Variants in TM9SF4 observed in about 807,000 individuals in gnomAD.
The protein encoded by TM9SF4 is transmembrane 9 superfamily member 4.
TM9SF4 carries 26 observed loss-of-function variants against 90.4 expected under a neutral mutation model. The ratio of observed to expected loss-of-function variants is 0.29; its 90% CI spans 0.21 to 0.40. The LOEUF is 0.40. Among genes scored for constraint, TM9SF4 ranks in the 10% least tolerant of loss-of-function variants. The pLI, the probability that TM9SF4 is intolerant of heterozygous loss-of-function variation, is 1.00. For synonymous variants in TM9SF4, 293 were observed against 315.4 expected, an observed-to-expected ratio of 0.93 and a Z score of 0.75; for missense variants, 549 against 834.8, an observed-to-expected ratio of 0.66 and a Z score of 4.22.
At chr20:32,121,466 C>T (rs572528494) in intron 1 of TM9SF4, among the ~76,000 whole-genome samples, 120 of 152,082 alleles carry the variant, frequency 7.9e-4, no homozygotes, top group Middle Eastern at 3.4e-3. Flanking sequence ...CGCCCTTAAT[C>T]CATTTAACTC....
At chr20:32,134,166 A>G (rs1354449256) in intron 2 of TM9SF4, among the ~76,000 whole-genome samples, 1 of 151,986 alleles carries the variant, frequency 6.6e-6, no homozygotes, top group African/African-American at 2.4e-5. Flanking sequence ...TACCTCTGTC[A>G]AAAGCTCCCT....
At chr20:32,140,333 G>A (rs1419828118) in intron 3 of TM9SF4, among the ~76,000 whole-genome samples, 1 of 152,130 alleles carries the variant, frequency 6.6e-6, no homozygotes, top group Non-Finnish European at 1.5e-5. Context: ...CACAAGGGGT[G>A]CCACTTCATT....
At chr20:32,151,312 G>A (rs897661894) in intron 12 of TM9SF4, among the ~76,000 whole-genome samples, 1 of 152,148 alleles carries the variant, frequency 6.6e-6, no homozygotes, top group Admixed American at 6.5e-5. Flanking sequence ...TCTCTTTGGT[G>A]AGGATTGCTG....
chr20:32,110,714 C>T (rs2046130359), intron 1 of TM9SF4, among the ~76,000 whole-genome samples: 1 of 152,182 alleles, frequency 6.6e-6, no homozygotes, highest in African/African-American at 2.4e-5. Context: ...GGGATGAAGT[C>T]TGTGTGTGGA....
In TM9SF4 at chr20:32,134,900, T is replaced by C. The variant is rs959620042; in HGVS notation, c.130-1174T>C. The stretch of plus-strand genomic sequence containing the variant: ...GTTGGCCAGGCTGGTCTCAAACTCC[T>C]GACCTCAAGTGATCTGCCCGCCTCA... On this transcript the variant is annotated intron_variant, in intron 2 of 17. Transcript: ENST00000398022. Among the ~76,000 whole-genome samples, 23 of 152,250 alleles carry C rather than the reference T, an allele frequency of 1.5e-4. 1 individual carries two copies. In the East Asian group the frequency reaches 4.1e-3, roughly 27 times the overall value.
chr20:32,122,066 C>T (rs1407600404), intron 1 of TM9SF4, among the ~76,000 whole-genome samples: 1 of 142,626 alleles, frequency 7.0e-6, no homozygotes, highest in Non-Finnish European at 1.5e-5. Context: ...GGGCAGCTGG[C>T]CAGGCAGAGG....
chr20:32,152,660 G>T (rs1278124383), intron 12 of TM9SF4, among the ~76,000 whole-genome samples: 1 of 152,110 alleles, frequency 6.6e-6, no homozygotes, highest in Non-Finnish European at 1.5e-5. Context: ...AGCAGTGTGG[G>T]TGTACTCTCC....
chr20:32,133,694 C>T (rs73906747), intron 2 of TM9SF4, among the ~76,000 whole-genome samples: 1,882 of 152,222 alleles, frequency 0.012, 45 homozygotes, highest in African/African-American at 0.043. Context: ...GGGGCCAATT[C>T]CATATGTTAC....
At chr20:32,112,706 AAAAC>A (rs1310623972) in intron 1 of TM9SF4, among the ~76,000 whole-genome samples, 1 of 151,484 alleles carries the variant, frequency 6.6e-6, no homozygotes, top group African/African-American at 2.4e-5. Flanking sequence ...AAAAAAAAAA[AAAAC>A]AAAAAACAAA....
At position 32,145,458 on chromosome 20, in the gene TM9SF4, G is replaced by A. The variant is rs142472310; in HGVS notation, c.883+35G>A. 3.1e-4 allele frequency: 487 copies of A among 1,589,514 alleles called. 2 individuals are homozygous for A. In the Middle Eastern group the frequency reaches 4.2e-3, roughly 14 times the overall value. On this transcript the variant is annotated intron_variant, in intron 8 of 17. Coordinates refer to ENST00000398022, the MANE Select transcript of TM9SF4 (RefSeq NM_014742.4). ...CTGTGGGTTGAGGGAAAGGGGATGG[G>A]GGTTGGGGTTGAGGGACTGAGACAT...
chr20:32,160,565 G>A (rs368246456), intron 16 of TM9SF4, among the ~76,000 whole-genome samples: 2 of 152,128 alleles, frequency 1.3e-5, no homozygotes, highest in African/African-American at 2.4e-5. Context: ...CATGCCATCC[G>A]TTCCTCCTCC....
intron 5 of TM9SF4, 113 bp from the exon 6 acceptor site, chr20:32,142,869 G>A: frequency 7.1e-7 from 1 of 1,406,204 alleles, no homozygotes; most frequent in Non-Finnish European, 9.8e-7. Flanking sequence ...GATGAGAACA[G>A]TGTTTTAGGA....
intron 17 of TM9SF4, among the ~76,000 whole-genome samples, chr20:32,164,653 A>G (rs1417196576): frequency 6.6e-6 from 1 of 152,188 alleles, no homozygotes; most frequent in Non-Finnish European, 1.5e-5. Flanking sequence ...GGCTACTGGC[A>G]TTCTGTGACC....
intron 8 of TM9SF4, among the ~76,000 whole-genome samples, chr20:32,145,712 T>C (rs2046754125): frequency 6.6e-6 from 1 of 152,208 alleles, no homozygotes; most frequent in Admixed American, 6.5e-5. Context: ...GCCAGGCACT[T>C]TGCCAGATGC....
At chr20:32,149,815 A>G in intron 10 of TM9SF4, 49 bp downstream of exon 10, 2 of 1,605,512 alleles carry the variant, frequency 1.2e-6, no homozygotes, top group South Asian at 1.1e-5. Flanking sequence ...TTCCTCTTCC[A>G]GGTGCCTCAA....
Position 32,123,866 on chromosome 20 carries a change from A to ATATATATATATATATTTTTTTTTTT in TM9SF4, c.16-9146_16-9145insATATATATATATATTTTTTTTTTTT. On this transcript the variant is annotated intron_variant, in intron 1 of 17. Coordinates refer to ENST00000398022, the MANE Select transcript of TM9SF4 (RefSeq NM_014742.4). The stretch of plus-strand genomic sequence containing the variant: ...CTCTCATATATATATATATATATAT[A>ATATATATATATATATTTTTTTTTTT]TTTTTTTTTTTAAAGAGATAGGGTC... Among the ~76,000 whole-genome samples, 66 of 93,932 alleles carry ATATATATATATATATTTTTTTTTTT rather than the reference A, an allele frequency of 7.0e-4. 1 individual carries two copies. In the East Asian group the frequency reaches 0.011, roughly 16 times the overall value. The allele number at this position is 93,932 out of a possible 152,430, so 61.6% of individuals were successfully genotyped here.
chr20:32,128,421 G>A (rs371092491), intron 1 of TM9SF4, among the ~76,000 whole-genome samples: 13 of 152,140 alleles, frequency 8.5e-5, no homozygotes, highest in East Asian at 5.8e-4. Flanking sequence ...GGTAGGGCCC[G>A]TGATTCTGCA....
chr20:32,113,573 A>AAT (rs1262971484), intron 1 of TM9SF4, among the ~76,000 whole-genome samples: 1 of 148,400 alleles, frequency 6.7e-6, no homozygotes, highest in Non-Finnish European at 1.5e-5. Context: ...ATGTGTCAGG[A>AAT]GTCTAGAAAC....
intron 17 of TM9SF4, among the ~76,000 whole-genome samples, chr20:32,163,260 AAAAAAAAAAT>A (rs1170319459): frequency 9.6e-6 from 1 of 104,546 alleles, no homozygotes; most frequent in African/African-American, 4.0e-5. Flanking sequence ...AAAAAAAAAA[AAAAAAAAAAT>A]ATATATATAT....
Sources: gnomAD v4.1 joint callset for allele counts (sites outside exome capture counted in the v4.1 genomes callset) on GRCh38, gnomAD v4.1.1 for gene constraint, MANE v1.5 for transcripts, NCBI Gene and HGNC (gene_info 2026-07-23, HGNC 2026-07-21) for gene names.